PLOD1: variants seen among roughly 807,000 people sequenced by gnomAD.
The protein encoded by PLOD1 is lysine hydroxylase.
A neutral mutation model predicts 94.7 loss-of-function variants in PLOD1; 70 were observed. That is an observed-to-expected ratio of 0.74 (90% CI 0.61 to 0.90). The LOEUF is 0.90. Ranked by LOEUF, PLOD1 falls within the 40% of genes least tolerant of loss-of-function variation. The pLI, the probability that PLOD1 is intolerant of heterozygous loss-of-function variation, is 0.00. For synonymous variants in PLOD1, 417 were observed against 400.2 expected, an observed-to-expected ratio of 1.04 and a Z score of -0.50; for missense variants, 905 against 972.7, an observed-to-expected ratio of 0.93 and a Z score of 0.93.
intron 5 of PLOD1, among the ~76,000 whole-genome samples, chr1:11,953,968 G>T (rs561750855): frequency 6.6e-6 from 1 of 151,356 alleles, no homozygotes; most frequent in Non-Finnish European, 1.5e-5. Flanking sequence ...GGACTCAAGC[G>T]ATCCTCCCAC....
chr1:11,943,390 G>C (rs570183818), intron 1 of PLOD1, among the ~76,000 whole-genome samples: 1 of 151,008 alleles, frequency 6.6e-6, no homozygotes, highest in African/African-American at 2.4e-5. Flanking sequence ...GCCACCTCCC[G>C]GGTTCAAGCG....
rs1444061320 is a variant in PLOD1, at chr1:11,972,889, C to G, written c.1920C>G (p.Ala640=). The change falls in exon 18 of 19, where the codon GCC becomes GCG. Residue 640 remains alanine, a synonymous_variant. Coordinates refer to ENST00000196061, the MANE Select transcript of PLOD1 (RefSeq NM_000302.4). This position sits in a 1 kb window ranked among gnomAD's most constrained non-coding sequence, Gnocchi z 4.6. ...TGGTACAGGCCCAGTTTGACCTGGC[C>G]TTTGTCGTCCGCTACAAGCCTGATG... is the stretch of plus-strand genomic sequence containing the variant. ...GYYTRAQFDL[A]FVVRYKPDEQ... 1.2e-6 allele frequency: 2 copies of G among 1,613,924 alleles called. No homozygotes were observed. The highest frequency in any genetic ancestry group is 2.2e-5 in the East Asian group (1 of 44,888).
chr1:11,962,366 T>C (rs2100755881), intron 10 of PLOD1, among the ~76,000 whole-genome samples: 1 of 139,166 alleles, frequency 7.2e-6, no homozygotes, highest in East Asian at 2.5e-4. Context: ...AAGCTCTGCC[T>C]CCCACGTTCA....
At chr1:11,964,556 C>G (rs12093915) in intron 12 of PLOD1, 88 bp from the exon 13 acceptor site, 1 of 1,350,574 alleles carries the variant, frequency 7.4e-7, no homozygotes, top group Non-Finnish European at 1.1e-6. Flanking sequence ...AGACTCCAGG[C>G]TATGACTCCC....
chr1:11,975,179 G>T lies in PLOD1; in HGVS notation c.*371G>T. 2.9e-6 allele frequency: 1 copy of T among 340,946 alleles called. No homozygotes were observed. The highest frequency in any genetic ancestry group is 5.7e-6 in the Non-Finnish European group (1 of 175,066). The allele number at this position is 340,946 out of a possible 1,614,324, so 21.1% of individuals were successfully genotyped here. A position where few individuals can be genotyped will look rare whatever the true frequency, so the allele number is the denominator to read the frequency against. ...CTTCCCCAAGTTGCCCAGAAAGACTGTCTGGGTGAGAAGCCATGGCCAGAG... is the reference window on the plus strand; with the variant it reads ...CTTCCCCAAGTTGCCCAGAAAGACTTTCTGGGTGAGAAGCCATGGCCAGAG... On this transcript the variant is annotated 3_prime_UTR_variant, in exon 19 of 19. Transcript: ENST00000196061.
At position 11,963,663 on chromosome 1, in the gene PLOD1, A is replaced by G. The variant is rs374048093; in HGVS notation, c.1202+27A>G. ...TGAGGCTGCTCCGTCTGCACCCAGC[A>G]CTGCTCAGGACTGGCCTGGTCCTGG... is the stretch of plus-strand genomic sequence containing the variant. On this transcript the variant is annotated intron_variant, in intron 11 of 18. Transcript: ENST00000196061. The surrounding 1 kb of genome is among the most constrained non-coding windows in gnomAD (Gnocchi z 4.3). 1.5e-4 allele frequency: 211 copies of G among 1,443,454 alleles called. No individual in the cohort carries two copies. The highest frequency in any genetic ancestry group is 2.0e-4 in the Non-Finnish European group (209 of 1,042,924). The allele number at this position is 1,443,454 out of a possible 1,614,324, so 89.4% of individuals were successfully genotyped here.
rs147497113 is a variant in PLOD1, at chr1:11,959,445, C to CTT, written c.975+812_975+813dup. ...GTGGCAGTCAAATTGGTTTTCTTTTCTTTTTTTTTTTTTTTGAGACAGAGT... is the reference window on the plus strand; with the variant it reads ...GTGGCAGTCAAATTGGTTTTCTTTTCTTTTTTTTTTTTTTTTTGAGACAGAGT... On this transcript the variant is annotated intron_variant, in intron 9 of 18. Coordinates refer to ENST00000196061, the MANE Select transcript of PLOD1 (RefSeq NM_000302.4). 6.2e-4 allele frequency among the ~76,000 whole-genome samples: 84 copies of CTT among 136,170 alleles called. 1 individual carries two copies. The highest frequency in any genetic ancestry group is 1.6e-3 in the South Asian group (7 of 4,282). The allele number at this position is 136,170 out of a possible 152,430, so 89.3% of individuals were successfully genotyped here.
chr1:11,960,549 G>T, intron 9 of PLOD1, 97 bp from the exon 10 acceptor site: 1 of 892,354 alleles, frequency 1.1e-6, no homozygotes, highest in African/African-American at 1.6e-5. Context: ...GAGATGAAGG[G>T]GCACAGCCTG....
chr1:11,945,549 GAGGAACCCAGCA>G, intron 1 of PLOD1, among the ~76,000 whole-genome samples: 1 of 152,158 alleles, frequency 6.6e-6, no homozygotes, highest in Middle Eastern at 3.4e-3. Flanking sequence ...CCTTGCATGG[GAGGAACCCAGCA>G]AGGAGAGACC....
rs1645875677 is a variant in PLOD1 at position 11,972,803 on chromosome 1, C to A, written c.1903-69C>A. The A allele has an allele frequency of 6.3e-7, 1 of 1,583,772 alleles. No homozygotes were observed. The highest frequency in any genetic ancestry group is 8.7e-7 in the Non-Finnish European group (1 of 1,153,202). On this transcript the variant is annotated intron_variant, in intron 17 of 18. Coordinates refer to ENST00000196061, the MANE Select transcript of PLOD1 (RefSeq NM_000302.4). The surrounding 1 kb of genome is among the most constrained non-coding windows in gnomAD (Gnocchi z 4.6). ...GGCCAGACCAGGCCCCATGTGTGCA[C>A]CCTCCTCTCCTGGCCTTTGTGTCCT...
Position 11,960,650 on chromosome 1 carries a change from A to G in PLOD1, c.980A>G (p.Gln327Arg). The stretch of plus-strand genomic sequence containing the variant: ...CTTCCCCATCCCCAACCCCAGGAGC[A>G]GCACCACAAGGCTCAGGTGGAAGAG... ...HMRLFIHNHE[Q>R]HHKAQVEEFL... Residue 327 changes from glutamine to arginine, a missense_variant, in exon 10 of 19, where the codon CAG becomes CGG. Coordinates refer to ENST00000196061, the MANE Select transcript of PLOD1 (RefSeq NM_000302.4). The G allele has an allele frequency of 3.5e-5, 56 of 1,602,174 alleles. No individual in the cohort carries two copies. The highest frequency in any genetic ancestry group is 4.8e-5 in the Non-Finnish European group (56 of 1,172,384).
rs946720478 is a variant in PLOD1, at chr1:11,972,679, C to T, written c.1903-193C>T. ...CTTCCCTCCCTCTCTCCCCTCTGTC[C>T]ATACATTTTTGTTGAGAACCTTTTC... On this transcript the variant is annotated intron_variant, in intron 17 of 18. Coordinates refer to ENST00000196061, the MANE Select transcript of PLOD1 (RefSeq NM_000302.4). The surrounding 1 kb of genome is among the most constrained non-coding windows in gnomAD (Gnocchi z 4.6). The T allele has an allele frequency of 5.0e-6, 3 of 597,710 alleles. No individual in the cohort carries two copies. The highest frequency in any genetic ancestry group is 1.8e-5 in the African/African-American group (1 of 54,480). The allele number at this position is 597,710 out of a possible 1,614,324, so 37.0% of individuals were successfully genotyped here. A position where few individuals can be genotyped will look rare whatever the true frequency, so the allele number is the denominator to read the frequency against.
At chr1:11,956,151 A>G (rs183319530) in intron 6 of PLOD1, among the ~76,000 whole-genome samples, 378 of 151,970 alleles carry the variant, frequency 2.5e-3, no homozygotes, top group Non-Finnish European at 3.6e-3. Flanking sequence ...TGGGAGGCCA[A>G]GGCGGGTGGA....
At chr1:11,966,880 CG>C in intron 15 of PLOD1, 106 bp from the exon 16 acceptor site, 1 of 788,870 alleles carries the variant, frequency 1.3e-6, no homozygotes, top group Non-Finnish European at 2.3e-6. Flanking sequence ...CCCTGCTCCC[CG>C]GGGACACTGG....
intron 1 of PLOD1, among the ~76,000 whole-genome samples, chr1:11,935,540 G>A (rs1052458799): frequency 2.0e-5 from 3 of 151,196 alleles, no homozygotes; most frequent in Non-Finnish European, 4.4e-5. Flanking sequence ...ATTTATTTTT[G>A]AGACAGAGTC....
intron 13 of PLOD1, 49 bp from the exon 14 acceptor site, chr1:11,965,431 C>T (rs1195684853): frequency 9.4e-7 from 1 of 1,066,978 alleles, no homozygotes; most frequent in South Asian, 1.3e-5. Context: ...GGGGTGAGGG[C>T]AGGGGAGGGG....
chr1:11,966,105 AACAC>A, intron 14 of PLOD1, 142 bp from the exon 15 acceptor site: 1 of 712,558 alleles, frequency 1.4e-6, no homozygotes, highest in Non-Finnish European at 2.6e-6. Flanking sequence ...GCACCCAGAC[AACAC>A]ACACGCACCC....
chr1:11,962,575 C>T (rs1454372094), intron 10 of PLOD1, among the ~76,000 whole-genome samples: 1 of 152,088 alleles, frequency 6.6e-6, no homozygotes, highest in Non-Finnish European at 1.5e-5. Flanking sequence ...CACGCCCTGC[C>T]GATTTGTTTT....
chr1:11,962,592 GA>G (rs923215198), intron 10 of PLOD1, among the ~76,000 whole-genome samples: 1 of 151,502 alleles, frequency 6.6e-6, no homozygotes, highest in African/African-American at 2.4e-5. Context: ...TTTTTTTCTT[GA>G]AACAACTTAA....
Sources: allele counts gnomAD v4.1 joint callset (sites outside exome capture counted in the v4.1 genomes callset), GRCh38; gene constraint gnomAD v4.1.1; non-coding constraint Gnocchi (gnomAD v3.1); transcripts MANE v1.5; gene names NCBI Gene and HGNC (gene_info 2026-07-23, HGNC 2026-07-21).